Variants in CDAN1 observed in about 807,000 individuals in gnomAD.
The protein encoded by CDAN1 is codanin-1.
CDAN1 carries 107 observed loss-of-function variants against 139.8 expected under a neutral mutation model. The ratio of observed to expected loss-of-function variants is 0.77; its 90% confidence interval spans 0.65 to 0.90. CDAN1 has a LOEUF of 0.90. CDAN1 is among the 40% of genes least tolerant of loss of function. CDAN1 has a pLI of 0.00. For synonymous variants in CDAN1, 776 were observed against 660.6 expected, an observed-to-expected ratio of 1.17 and a Z score of -2.68; for missense variants, 1,667 against 1,575.7, an observed-to-expected ratio of 1.06 and a Z score of -0.98.
chr15:42,728,184 C>T lies in CDAN1; in HGVS notation c.2868+20G>A. 6.2e-7 allele frequency: 1 copy of T among 1,612,692 alleles called. No individual in the cohort carries two copies. Among genetic ancestry groups the T allele is most frequent in the Non-Finnish European group, 8.5e-7 (1 of 1,179,574 alleles). On this transcript the variant is annotated intron_variant, in intron 21 of 27. Transcript: ENST00000356231. ...CCACAACTGCCTGGCCTGCTAGCTG[C>T]AGGCCTCCCTCACACGTACGGCTGC...
rs2061494980 is a variant in CDAN1 at position 42,724,337 on chromosome 15, G to T, written c.*154C>A. The T allele has an allele frequency of 1.0e-6, 1 of 998,028 alleles. No individual in the cohort carries two copies. Among genetic ancestry groups the T allele is most frequent in the East Asian group, 2.7e-5 (1 of 37,074 alleles). The allele number at this position is 998,028 out of a possible 1,614,324, so 61.8% of individuals were successfully genotyped here. A position where few individuals can be genotyped will look rare whatever the true frequency, so the allele number is the denominator to read the frequency against. ...CCTTCCTCTAGGATTCGCGTGGTGGGATGCCAGGCAGTGACACCCTTAGAG... is the reference window on the plus strand; with the variant it reads ...CCTTCCTCTAGGATTCGCGTGGTGGTATGCCAGGCAGTGACACCCTTAGAG... On this transcript the variant is annotated 3_prime_UTR_variant, in exon 28 of 28. Transcript: ENST00000356231.
In CDAN1 at chr15:42,734,238, G is replaced by A; in HGVS notation, c.1245C>T (p.Gly415=). Residue 415 remains glycine, a synonymous_variant, in exon 7 of 28, where the codon GGC becomes GGT. Coordinates refer to ENST00000356231, the MANE Select transcript of CDAN1 (RefSeq NM_138477.4). The part of the protein sequence containing the change: ...LQGRLRAAYE[G]SVAKVSLVMP... ...CTGGGGTTACTACCTTGGCAACACT[G>A]CCCTCATAGGCAGCTCGAAGGCGGC... The A allele has an allele frequency of 1.2e-6, 2 of 1,614,108 alleles. No individual in the cohort carries two copies. Among genetic ancestry groups the A allele is most frequent in the Non-Finnish European group, 1.7e-6 (2 of 1,180,042 alleles).
At chr15:42,731,460 C>T (rs1178460175) in intron 11 of CDAN1, 129 bp from the exon 12 acceptor site, 2 of 1,456,818 alleles carry the variant, frequency 1.4e-6, no homozygotes, top group African/African-American at 2.8e-5. Context: ...ATGAAATCAC[C>T]CACGTGGGTG....
intron 6 of CDAN1, among the ~76,000 whole-genome samples, chr15:42,734,713 CAGG>C (rs2061663895): frequency 6.6e-6 from 1 of 151,152 alleles, no homozygotes; most frequent in African/African-American, 2.4e-5. Context: ...CTCCCAGGCT[CAGG>C]AGATCCTTCC....
intron 9 of CDAN1, among the ~76,000 whole-genome samples, 160 bp from the exon 10 acceptor site, chr15:42,732,568 C>T (rs757223198): frequency 3.3e-5 from 5 of 152,204 alleles, no homozygotes; most frequent in Non-Finnish European, 5.9e-5. Context: ...GCAAGGGACA[C>T]TCCCTCAGCA....
In CDAN1 at chr15:42,725,172, C is replaced by T. The variant is rs201336806; in HGVS notation, c.3530G>A (p.Gly1177Asp). ...TGGCCACTGGGCCTGGTGGAGGCTGCCCAGGCAGGCCTCTATCTCCATCCG... is the reference window on the plus strand; with the variant it reads ...TGGCCACTGGGCCTGGTGGAGGCTGTCCAGGCAGGCCTCTATCTCCATCCG... ...MGRMEIEACLGSLHQAQWPGD... is the reference protein window; with the variant it reads ...MGRMEIEACLDSLHQAQWPGD... The change falls in exon 27 of 28, where the codon GGC becomes GAC. Residue 1177 changes from glycine (G) to aspartate (D), a missense_variant. By Grantham distance (94) the Gly-to-Asp change is moderately conservative (BLOSUM62 -1). This residue lies in a region of CDAN1 where 936 missense variants were observed against 844.1 expected (regional missense o/e 1.11). Transcript: ENST00000356231. 93 of 1,613,972 alleles carry T rather than the reference C, an allele frequency of 5.8e-5. No individual in the cohort carries two copies. The highest frequency in any genetic ancestry group is 7.6e-5 in the Non-Finnish European group (90 of 1,179,930).
chr15:42,724,230 G>GAGAT lies in CDAN1; in HGVS notation c.*257_*260dup, dbSNP rs976694883. The GAGAT allele has an allele frequency of 4.6e-5, 22 of 481,840 alleles. No individual in the cohort carries two copies. Among genetic ancestry groups the GAGAT allele is most frequent in the African/African-American group, 3.9e-4 (20 of 51,196 alleles). The allele number at this position is 481,840 out of a possible 1,614,324, so 29.8% of individuals were successfully genotyped here. On this transcript the variant is annotated 3_prime_UTR_variant, in exon 28 of 28. Coordinates refer to ENST00000356231, the MANE Select transcript of CDAN1 (RefSeq NM_138477.4). Reference sequence around the variant, plus strand: ...ACACCTCATTTCATTTAGTATCCAAGAGATAAACAAACACCACCTCTTCTA... The same window carrying GAGAT: ...ACACCTCATTTCATTTAGTATCCAAGAGATAGATAAACAAACACCACCTCTTCTA...
rs762264880 is a variant in CDAN1 at position 42,729,399 on chromosome 15, C to T, written c.2408-37G>A. ...AAGTCCAAGTTCTCAGTTCCAGAAC[C>T]CTCTCCCCTCCCTAAGTATCATGGA... On this transcript the variant is annotated intron_variant, in intron 17 of 27. Coordinates refer to ENST00000356231, the MANE Select transcript of CDAN1 (RefSeq NM_138477.4). 22 of 1,613,494 alleles carry T rather than the reference C, an allele frequency of 1.4e-5. No homozygotes were observed. The South Asian group carries it at 2.0e-4, about 14-fold the overall frequency.
intron 27 of CDAN1, 153 bp from the exon 28 acceptor site, chr15:42,724,769 A>C: frequency 9.8e-7 from 1 of 1,023,040 alleles, no homozygotes; most frequent in Non-Finnish European, 1.5e-6. Context: ...TCTGTTTGTT[A>C]GTACTCTGGG....
rs368387889 is a variant in CDAN1 at position 42,730,163 on chromosome 15, G to C, written c.2227C>G (p.Leu743Val). The C allele has an allele frequency of 1.5e-5, 24 of 1,614,082 alleles. No homozygotes were observed. Among genetic ancestry groups the C allele is most frequent in the Non-Finnish European group, 2.0e-5 (24 of 1,180,050 alleles). Reference protein sequence around the residue: ...SEGKMCFLNKLLLLAVLGWLF... With the variant: ...SEGKMCFLNKVLLLAVLGWLF... ...CAGCCCAGGACAGCAAGTAGCAGCA[G>C]CTTGTTCAGGAAACACATCTTCCCC... The change falls in exon 15 of 28, where the codon CTG (leucine) becomes GTG (valine). Residue 743 changes from leucine (L) to valine (V), a missense_variant. Physicochemically the swap from Leu to Val is conservative, Grantham distance 32. This residue lies in a region of CDAN1 where 936 missense variants were observed against 844.1 expected (regional missense o/e 1.11). Coordinates refer to ENST00000356231, the MANE Select transcript of CDAN1 (RefSeq NM_138477.4).
chr15:42,735,235 T>A (rs771664556), intron 5 of CDAN1, 26 bp downstream of exon 5: 1 of 1,601,880 alleles, frequency 6.2e-7, no homozygotes, highest in Admixed American at 1.7e-5. Flanking sequence ...AGACCCCATG[T>A]CTCAAAAGGA....
chr15:42,726,624 C>G, intron 23 of CDAN1: 1 of 595,820 alleles, frequency 1.7e-6, no homozygotes, highest in African/African-American at 1.9e-5. Flanking sequence ...AAAGAGGGAA[C>G]AGATGGAGGT....
In CDAN1 at chr15:42,735,996, GTGAGGTGAAGCAGGTCT is replaced by G; in HGVS notation, c.635_651del (p.Lys212ThrfsTer17). 6.2e-7 allele frequency: 1 copy of G among 1,614,188 alleles called. No homozygotes were observed. Among genetic ancestry groups the G allele is most frequent in the Non-Finnish European group, 8.5e-7 (1 of 1,180,022 alleles). ...GAACTGGGGACACAGCTGATTGGGGGTGAGGTGAAGCAGGTCTTGGGCTTGGAGAGTGACCGCTCTTC... is the reference window on the plus strand; with the variant it reads ...GAACTGGGGACACAGCTGATTGGGGGTGGGCTTGGAGAGTGACCGCTCTTC... On this transcript the variant is annotated frameshift_variant, in exon 3 of 28. Coordinates refer to ENST00000356231, the MANE Select transcript of CDAN1 (RefSeq NM_138477.4). LOFTEE classifies it high-confidence loss of function.
At chr15:42,735,725 C>T (rs775339869) in intron 3 of CDAN1, 46 bp from the exon 4 acceptor site, 6 of 1,606,416 alleles carry the variant, frequency 3.7e-6, no homozygotes, top group Non-Finnish European at 5.1e-6. Context: ...GGCTTCCCTG[C>T]TACGGCCACA....
chr15:42,727,302 C>G (rs1875699839), intron 23 of CDAN1: 1 of 299,742 alleles, frequency 3.3e-6, no homozygotes, highest in African/African-American at 2.2e-5. Context: ...GCGACTGCCT[C>G]CTAGAGACTC....
chr15:42,733,961 G>A lies in CDAN1; in HGVS notation c.1344C>T (p.Ala448=), dbSNP rs2061650661. Residue 448 remains alanine (A), a synonymous_variant, in exon 8 of 28, where the codon GCC becomes GCT. Coordinates refer to ENST00000356231, the MANE Select transcript of CDAN1 (RefSeq NM_138477.4). The stretch of plus-strand genomic sequence containing the variant: ...ACCTCTGTTTCTTAAAAGTATGAAA[G>A]GCTCGGTCACTGGAGAAGTTGGCAC... ...DNRANFSSDR[A]FHTFKKQRDV... 1.9e-6 allele frequency: 3 copies of A among 1,613,724 alleles called. No homozygotes were observed. Among genetic ancestry groups the A allele is most frequent in the East Asian group, 4.5e-5 (2 of 44,880 alleles).
intron 15 of CDAN1, 37 bp from the exon 16 acceptor site, chr15:42,729,922 A>ACGGGCCCCCCCCCCCCCCCCC: frequency 6.6e-7 from 1 of 1,513,162 alleles, no homozygotes; most frequent in Non-Finnish European, 9.1e-7. Context: ...AACTTCAGAG[A>ACGGGCCCCCCCCCCCCCCCCC]CCCCCACCCA....
At chr15:42,733,070 CAAGA>C (rs775021172) in intron 9 of CDAN1, 23 bp downstream of exon 9, 49 of 1,607,650 alleles carry the variant, frequency 3.0e-5, no homozygotes, top group Non-Finnish European at 4.0e-5. Flanking sequence ...TTGCCAGGAA[CAAGA>C]AAGACAAGGT....
At position 42,731,472 on chromosome 15, in the gene CDAN1, C is replaced by T. The variant is rs113785811; in HGVS notation, c.1740-141G>A. The T allele has an allele frequency of 9.2e-4, 1,299 of 1,412,262 alleles. 21 individuals carry two copies. In the South Asian group the frequency reaches 0.014, roughly 15 times the overall value. The allele number at this position is 1,412,262 out of a possible 1,614,324, so 87.5% of individuals were successfully genotyped here. A position where few individuals can be genotyped will look rare whatever the true frequency, so the allele number is the denominator to read the frequency against. On this transcript the variant is annotated intron_variant, in intron 11 of 27. Transcript: ENST00000356231. Reference sequence around the variant, plus strand: ...GCAATGAAATCACCCACGTGGGTGACAGAATGAGAAGTGCAATGAAGCCAG... The same window carrying T: ...GCAATGAAATCACCCACGTGGGTGATAGAATGAGAAGTGCAATGAAGCCAG...
Sources: gnomAD v4.1 joint callset for allele counts (sites outside exome capture counted in the v4.1 genomes callset) on GRCh38, gnomAD v4.1.1 for gene constraint, gnomAD v4.1.1 regional missense constraint, MANE v1.5 for transcripts, NCBI Gene and HGNC (gene_info 2026-07-23, HGNC 2026-07-21) for gene names.